MGMT: variants seen among roughly 807,000 people sequenced by gnomAD.
The protein encoded by MGMT is methylated-DNA--protein-cysteine methyltransferase.
A neutral mutation model predicts 15.9 loss-of-function variants in MGMT; 14 were observed. The ratio of observed to expected loss-of-function variants is 0.88; its 90% CI spans 0.58 to 1.37. MGMT has a LOEUF of 1.37. Ranked by LOEUF, MGMT falls within the 40% of genes most tolerant of loss-of-function variation. The pLI is 0.00. For missense variants in MGMT, 282 were observed against 268.1 expected (o/e 1.05, Z -0.36); for synonymous variants, 130 against 118.2 (o/e 1.10, Z -0.65).
rs551988189 is a variant in MGMT, at chr10:129,567,234, A to G, written c.125+30857A>G. Among the ~76,000 whole-genome samples the G allele has an allele frequency of 2.1e-4, 32 of 151,986 alleles. No homozygotes were observed. The Middle Eastern group carries it at 0.01, about 48-fold the overall frequency. On this transcript the variant is annotated intron_variant, in intron 2 of 4. Transcript: ENST00000651593. The stretch of plus-strand genomic sequence containing the variant: ...CTGTGGCCCGTCCCCTCCACCTCTC[A>G]CAGCCACCTAGGAAAGTAGTTCTCA...
chr10:129,725,039 C>T (rs993280831), intron 3 of MGMT, among the ~76,000 whole-genome samples: 1 of 152,190 alleles, frequency 6.6e-6, no homozygotes, highest in Non-Finnish European at 1.5e-5. Context: ...CCTGCAGGAT[C>T]GGGTGGATAC....
chr10:129,669,701 C>G lies in MGMT; in HGVS notation c.126-38194C>G, dbSNP rs564700547. On this transcript the variant is annotated intron_variant, in intron 2 of 4. Transcript: ENST00000651593. ...GGGATCCACAAAAAACAAAACACTA[C>G]CAGAACAGTAATTTGTGCTCAGAAA... Among the ~76,000 whole-genome samples, 6 of 152,232 alleles carry G rather than the reference C, an allele frequency of 3.9e-5. No homozygotes were observed. The East Asian group carries it at 1.2e-3, about 29-fold the overall frequency.
At chr10:129,761,687 C>T (rs1848875595) in intron 4 of MGMT, among the ~76,000 whole-genome samples, 1 of 152,210 alleles carries the variant, frequency 6.6e-6, no homozygotes, top group South Asian at 2.1e-4. Flanking sequence ...CACCCTGTCC[C>T]ATGGCAAAGC....
chr10:129,540,080 G>A (rs574259596), intron 2 of MGMT, among the ~76,000 whole-genome samples: 2 of 152,178 alleles, frequency 1.3e-5, no homozygotes, highest in Non-Finnish European at 1.5e-5. Flanking sequence ...CCTCGGCAGC[G>A]TTGAGTGGTT....
chr10:129,627,921 C>T (rs1488546960), intron 2 of MGMT, among the ~76,000 whole-genome samples: 2 of 152,120 alleles, frequency 1.3e-5, no homozygotes, highest in African/African-American at 4.8e-5. Context: ...ATATTGTCTT[C>T]CCTGTTGTGT....
At chr10:129,633,487 G>A (rs1564743269) in intron 2 of MGMT, among the ~76,000 whole-genome samples, 1 of 152,204 alleles carries the variant, frequency 6.6e-6, no homozygotes, top group Non-Finnish European at 1.5e-5. Flanking sequence ...TAGGGATGAA[G>A]ATCAAGGAAT....
At chr10:129,752,643 G>A (rs1848762177) in intron 3 of MGMT, among the ~76,000 whole-genome samples, 1 of 151,256 alleles carries the variant, frequency 6.6e-6, no homozygotes, top group Admixed American at 6.6e-5. Context: ...ACTGTTTTAG[G>A]GATTATAATA....
chr10:129,626,872 T>C (rs889055384), intron 2 of MGMT, among the ~76,000 whole-genome samples: 14 of 152,260 alleles, frequency 9.2e-5, no homozygotes, highest in African/African-American at 2.9e-4. Flanking sequence ...ATGGAGCTGG[T>C]GTAAGGAGAT....
intron 2 of MGMT, among the ~76,000 whole-genome samples, chr10:129,590,323 A>G (rs1412813795): frequency 6.6e-6 from 1 of 152,264 alleles, no homozygotes; most frequent in African/African-American, 2.4e-5. Flanking sequence ...AGATGTGCTT[A>G]TATGAACTTT....
chr10:129,675,883 A>G (rs771911358), intron 2 of MGMT, among the ~76,000 whole-genome samples: 8 of 152,168 alleles, frequency 5.3e-5, no homozygotes, highest in Non-Finnish European at 1.0e-4. Flanking sequence ...CCTCCTCACA[A>G]CACCCACCAG....
chr10:129,752,501 TC>T (rs1264706643), intron 3 of MGMT, among the ~76,000 whole-genome samples: 2 of 151,850 alleles, frequency 1.3e-5, no homozygotes, highest in African/African-American at 4.8e-5. Context: ...TCAATTTAGG[TC>T]TAACATTTTA....
chr10:129,578,875 G>A (rs1336069910), intron 2 of MGMT, among the ~76,000 whole-genome samples: 2 of 152,132 alleles, frequency 1.3e-5, no homozygotes, highest in South Asian at 4.1e-4. Context: ...TCTTTGAGTT[G>A]CCACCCTGGA....
intron 2 of MGMT, among the ~76,000 whole-genome samples, chr10:129,604,846 T>A (rs1846870266): frequency 6.6e-6 from 1 of 151,076 alleles, no homozygotes; most frequent in African/African-American, 2.4e-5. Context: ...TGCCAGAGCC[T>A]GCCTTTGCTT....
chr10:129,645,223 G>A lies in MGMT; in HGVS notation c.126-62672G>A, dbSNP rs376081425. On this transcript the variant is annotated intron_variant, in intron 2 of 4. Transcript: ENST00000651593. Reference sequence around the variant, plus strand: ...CAACCTCCGCCTCCTGGGTTCAAGCGATTCTGCTGCCTCAGCCTCCTGAGC... The same window carrying A: ...CAACCTCCGCCTCCTGGGTTCAAGCAATTCTGCTGCCTCAGCCTCCTGAGC... Among the ~76,000 whole-genome samples the A allele has an allele frequency of 1.0e-4, 15 of 150,732 alleles. No individual in the cohort carries two copies. The East Asian group carries it at 2.0e-3, about 20-fold the overall frequency.
chr10:129,468,546 G>A (rs574081825), intron 1 of MGMT, among the ~76,000 whole-genome samples: 16 of 151,960 alleles, frequency 1.1e-4, no homozygotes, highest in South Asian at 2.1e-4. Flanking sequence ...CCACCAGTAC[G>A]GAGCTATACT....
At chr10:129,729,433 C>G (rs1848471722) in intron 3 of MGMT, among the ~76,000 whole-genome samples, 1 of 152,258 alleles carries the variant, frequency 6.6e-6, no homozygotes, top group South Asian at 2.1e-4. Context: ...CCTGTCCTGC[C>G]GAGCTGCCAG....
intron 1 of MGMT, among the ~76,000 whole-genome samples, chr10:129,526,290 G>A (rs1471296190): frequency 1.3e-5 from 2 of 152,230 alleles, no homozygotes; most frequent in African/African-American, 4.8e-5. Flanking sequence ...TCCTGAGGAT[G>A]AGAGGGGCTT....
chr10:129,681,343 G>A (rs184251138), intron 2 of MGMT, among the ~76,000 whole-genome samples: 157 of 152,234 alleles, frequency 1.0e-3, no homozygotes, highest in Middle Eastern at 3.4e-3. Context: ...TCAGCAGCAC[G>A]CCATGTTTCC....
At chr10:129,652,197 C>A (rs1002413446) in intron 2 of MGMT, among the ~76,000 whole-genome samples, 15 of 152,212 alleles carry the variant, frequency 9.9e-5, no homozygotes, top group African/African-American at 3.6e-4. Flanking sequence ...CCTGTGCTTC[C>A]CCGCCACTCG....
Sources: gnomAD v4.1 joint callset for allele counts (sites outside exome capture counted in the v4.1 genomes callset) on GRCh38, gnomAD v4.1.1 for gene constraint, MANE v1.5 for transcripts, NCBI Gene and HGNC (gene_info 2026-07-23, HGNC 2026-07-21) for gene names.